The following BCL2L14 variants were observed in gnomAD, a reference collection of about 807,000 sequenced individuals.
BCL2L14 encodes BCL2 like 14, also known as apoptosis facilitator Bcl-2-like protein 14.
In BCL2L14, 27 loss-of-function variants were observed where a neutral mutation model predicts 35.3. That is an observed-to-expected ratio of 0.76 (90% CI 0.56 to 1.05). The LOEUF is 1.05. BCL2L14 is among the 50% of genes least tolerant of loss of function. The pLI, the probability that BCL2L14 is intolerant of heterozygous loss-of-function variation, is 0.00. For missense variants in BCL2L14, 377 were observed against 382.6 expected, an observed-to-expected ratio of 0.99 and a Z score of 0.12; for synonymous variants, 139 against 145.9, an observed-to-expected ratio of 0.95 and a Z score of 0.34.
intron 2 of BCL2L14, among the ~76,000 whole-genome samples, chr12:12,058,756 G>A (rs1263650011): frequency 6.6e-6 from 1 of 152,176 alleles, no homozygotes; most frequent in African/African-American, 2.4e-5. Flanking sequence ...AGCCTGTTTG[G>A]TGGTCTCTTC....
intron 2 of BCL2L14, among the ~76,000 whole-genome samples, chr12:12,065,149 A>G (rs2136720514): frequency 6.6e-6 from 1 of 152,352 alleles, no homozygotes. Flanking sequence ...ATGCATACAC[A>G]CAGGATCGCT....
chr12:12,095,787 G>A (rs1949301291), intron 5 of BCL2L14: 1 of 985,274 alleles, frequency 1.0e-6, no homozygotes, highest in African/African-American at 1.7e-5. Context: ...GAAGGAAAGT[G>A]CAGCTGATCT....
intron 2 of BCL2L14, among the ~76,000 whole-genome samples, chr12:12,058,133 G>A (rs1591802812): frequency 6.6e-6 from 1 of 151,742 alleles, no homozygotes; most frequent in Non-Finnish European, 1.5e-5. Flanking sequence ...TGTGTTTTTA[G>A]TAGCGACGAG....
intron 2 of BCL2L14, among the ~76,000 whole-genome samples, chr12:12,080,701 A>T (rs1446791855): frequency 6.6e-6 from 1 of 151,332 alleles, no homozygotes; most frequent in African/African-American, 2.4e-5. Flanking sequence ...AAGTCAACTC[A>T]TTCGCTCAGG....
chr12:12,098,129 T>G (rs1435382553), intron 5 of BCL2L14, among the ~76,000 whole-genome samples: 2 of 152,150 alleles, frequency 1.3e-5, no homozygotes, highest in Non-Finnish European at 2.9e-5. Context: ...ACATGTGGAT[T>G]GGGGCGTGTG....
At chr12:12,090,923 CAGGTTGCAACCTT>C in intron 4 of BCL2L14, 74 bp downstream of exon 4, 1 of 1,211,990 alleles carries the variant, frequency 8.3e-7, no homozygotes, top group Non-Finnish European at 1.2e-6. Context: ...AATTGTATTC[CAGGTTGCAACCTT>C]ATTCCCTTTC....
chr12:12,083,373 T>G (rs1324612353), intron 2 of BCL2L14, among the ~76,000 whole-genome samples: 1 of 152,082 alleles, frequency 6.6e-6, no homozygotes, highest in African/African-American at 2.4e-5. Flanking sequence ...AAGACCAAAC[T>G]CTGTTAGGAA....
intron 2 of BCL2L14, among the ~76,000 whole-genome samples, chr12:12,063,991 G>C (rs1948564380): frequency 6.6e-6 from 1 of 151,844 alleles, no homozygotes; most frequent in Non-Finnish European, 1.5e-5. Flanking sequence ...TTCAGACTCA[G>C]CCCGCCTGCA....
chr12:12,088,403 G>T (rs1257030186), intron 3 of BCL2L14, among the ~76,000 whole-genome samples: 3 of 152,106 alleles, frequency 2.0e-5, no homozygotes, highest in African/African-American at 7.2e-5. Flanking sequence ...CACTTGCCCA[G>T]CGCCATGTTG....
In BCL2L14 at chr12:12,099,004, A is replaced by G. The variant is rs1949375472; in HGVS notation, c.*16A>G. 2 of 1,585,964 alleles carry G rather than the reference A, an allele frequency of 1.3e-6. No individual in the cohort carries two copies. Among genetic ancestry groups the G allele is most frequent in the African/African-American group, 2.7e-5 (2 of 74,504 alleles). ...AGTAGACTGAAATATCAGATTTGTC[A>G]TCAGGAATACTCTTTGTCTACTGTG... is the stretch of plus-strand genomic sequence containing the variant. On this transcript the variant is annotated 3_prime_UTR_variant, in exon 6 of 6. Transcript: ENST00000308721.
chr12:12,094,648 A>G lies in BCL2L14; in HGVS notation c.679-16A>G, dbSNP rs1392004089. On this transcript the variant is annotated splice_polypyrimidine_tract_variant and intron_variant, in intron 4 of 5. Transcript: ENST00000308721. ...AGCCAAGCTACTGTACTGAGTGCTT[A>G]TTCTTTTGTACACAGCTGAAGAAAG... The G allele has an allele frequency of 1.2e-5, 19 of 1,614,178 alleles. No individual in the cohort carries two copies. The highest frequency in any genetic ancestry group is 1.6e-5 in the Non-Finnish European group (19 of 1,179,996).
chr12:12,076,683 C>T (rs1485632610), intron 1 of BCL2L14, among the ~76,000 whole-genome samples: 1 of 152,132 alleles, frequency 6.6e-6, no homozygotes, highest in Non-Finnish European at 1.5e-5. Context: ...TCCATCAGAA[C>T]GCACCTAGCC....
At position 12,094,819 on chromosome 12, in the gene BCL2L14, C is replaced by T; in HGVS notation, c.834C>T (p.Val278=). 1 of 1,614,186 alleles carries T rather than the reference C, an allele frequency of 6.2e-7. No homozygotes were observed. Among genetic ancestry groups the T allele is most frequent in the Non-Finnish European group, 8.5e-7 (1 of 1,180,046 alleles). ...QGFKAALVID[V]TAKLTAIDNH... ...TTAAGGCTGCCCTTGTAATAGACGT[C>T]ACGGCCAAGCTCACAGCTATTGACA... Residue 278 remains valine (V), a synonymous_variant, in exon 5 of 6, where the codon GTC becomes GTT. Transcript: ENST00000308721.
intron 4 of BCL2L14, among the ~76,000 whole-genome samples, chr12:12,092,068 G>A (rs1453130824): frequency 1.3e-5 from 2 of 152,170 alleles, no homozygotes; most frequent in Non-Finnish European, 2.9e-5. Context: ...AGAACTCCGA[G>A]GGGTCCTTTA....
chr12:12,076,490 A>C (rs1331701702), intron 1 of BCL2L14, among the ~76,000 whole-genome samples: 1 of 152,156 alleles, frequency 6.6e-6, no homozygotes, highest in Non-Finnish European at 1.5e-5. Flanking sequence ...CTCCTCAAGC[A>C]TTTGCTTACA....
intron 4 of BCL2L14, 184 bp from the exon 5 acceptor site, chr12:12,094,480 C>A (rs74064622): frequency 2.6e-6 from 4 of 1,551,962 alleles, no homozygotes; most frequent in Non-Finnish European, 3.6e-6. Context: ...ATGAATTCAC[C>A]GAGCAGTACA....
chr12:12,052,823 T>C (rs942360598), intron 2 of BCL2L14, among the ~76,000 whole-genome samples: 2 of 152,196 alleles, frequency 1.3e-5, no homozygotes, highest in Non-Finnish European at 2.9e-5. Flanking sequence ...CTGAACGAGA[T>C]AATTTCTAAA....
intron 5 of BCL2L14, chr12:12,095,248 T>C (rs540603486): frequency 1.0e-6 from 1 of 985,354 alleles, no homozygotes; most frequent in South Asian, 4.7e-5. Flanking sequence ...TTTTCACAAA[T>C]TTTGCAGGCA....
chr12:12,077,463 T>G (rs1052611920), intron 1 of BCL2L14, among the ~76,000 whole-genome samples: 3 of 149,136 alleles, frequency 2.0e-5, no homozygotes, highest in South Asian at 2.1e-4. Flanking sequence ...GAGAATCCCT[T>G]GAGCCGGGGA....
Sources: gnomAD v4.1 joint callset for allele counts (sites outside exome capture counted in the v4.1 genomes callset) on GRCh38, gnomAD v4.1.1 for gene constraint, MANE v1.5 for transcripts, NCBI Gene and HGNC (gene_info 2026-07-23, HGNC 2026-07-21) for gene names.